Variants in HEPACAM2 observed in about 807,000 individuals in gnomAD.
The protein encoded by HEPACAM2 is HEPACAM family member 2, also known as mitotic kinetics regulator.
A neutral mutation model predicts 49.6 loss-of-function variants in HEPACAM2; 49 were observed. The observed-to-expected ratio is 0.99, with a 90% confidence interval of 0.78 to 1.25. The LOEUF (loss-of-function observed/expected upper bound fraction) is 1.25. Ranked by LOEUF, HEPACAM2 falls within the 50% of genes most tolerant of loss-of-function variation. The pLI is 0.00. For missense variants in HEPACAM2, 525 were observed against 557.2 expected, an observed-to-expected ratio of 0.94 and a Z score of 0.58; for synonymous variants, 197 against 202.9, an observed-to-expected ratio of 0.97 and a Z score of 0.25.
intron 1 of HEPACAM2, among the ~76,000 whole-genome samples, chr7:93,223,944 T>C (rs1205142417): frequency 1.3e-5 from 2 of 152,166 alleles, no homozygotes; most frequent in African/African-American, 2.4e-5. Flanking sequence ...ATCATTGATG[T>C]GTCACCCACT....
At chr7:93,207,192 A>G (rs1450513177) in intron 4 of HEPACAM2, among the ~76,000 whole-genome samples, 1 of 152,160 alleles carries the variant, frequency 6.6e-6, no homozygotes, top group South Asian at 2.1e-4. Context: ...GTTTCTCTGT[A>G]TTATGGGTCT....
intron 1 of HEPACAM2, 147 bp from the exon 2 acceptor site, chr7:93,219,598 AT>A: frequency 7.1e-7 from 1 of 1,401,442 alleles, no homozygotes; most frequent in Non-Finnish European, 9.5e-7. Flanking sequence ...CTGGTTACAT[AT>A]AGAGGTAAAT....
intron 3 of HEPACAM2, among the ~76,000 whole-genome samples, chr7:93,209,978 A>C (rs1017914774): frequency 1.3e-5 from 2 of 151,940 alleles, no homozygotes; most frequent in Non-Finnish European, 2.9e-5. Flanking sequence ...CTTTATCATT[A>C]ACTACTTAGC....
At chr7:93,215,049 T>C (rs1415503295) in intron 3 of HEPACAM2, among the ~76,000 whole-genome samples, 1 of 152,180 alleles carries the variant, frequency 6.6e-6, no homozygotes, top group African/African-American at 2.4e-5. Context: ...GGAAAAAAGT[T>C]CTCAAGATAT....
Position 93,188,773 on chromosome 7 carries a change from C to A in HEPACAM2, c.*494G>T. 2 of 358,254 alleles carry A rather than the reference C, an allele frequency of 5.6e-6. No individual in the cohort carries two copies. The highest frequency in any genetic ancestry group is 4.6e-5 in the Admixed American group (1 of 21,614). The allele number at this position is 358,254 out of a possible 1,614,324, so 22.2% of individuals were successfully genotyped here. On this transcript the variant is annotated 3_prime_UTR_variant, in exon 10 of 10. Coordinates refer to ENST00000394468, the MANE Select transcript of HEPACAM2 (RefSeq NM_001039372.4). ...CCTTATTACTTTGTTGTACAAATAACAAGATAGAAATTTGGAAATAAAATT... is the reference window on the plus strand; with the variant it reads ...CCTTATTACTTTGTTGTACAAATAAAAAGATAGAAATTTGGAAATAAAATT...
intron 2 of HEPACAM2, among the ~76,000 whole-genome samples, chr7:93,216,176 G>A (rs1158861241): frequency 6.6e-6 from 1 of 152,174 alleles, no homozygotes; most frequent in East Asian, 1.9e-4. Flanking sequence ...TTGGGAAACT[G>A]AGGGATAATT....
At chr7:93,189,293 A>T (rs1308530972) in intron 9 of HEPACAM2, 23 bp from the exon 10 acceptor site, 1 of 1,570,692 alleles carries the variant, frequency 6.4e-7, no homozygotes, top group African/African-American at 1.4e-5. Context: ...TATACAAAAT[A>T]TGTAAACAGT....
intron 9 of HEPACAM2, among the ~76,000 whole-genome samples, chr7:93,189,990 T>A (rs1793501947): frequency 6.6e-6 from 1 of 152,024 alleles, no homozygotes; most frequent in African/African-American, 2.4e-5. Context: ...GTGGCATTTA[T>A]TCTACTGAGA....
chr7:93,228,866 T>G (rs912281785), upstream of HEPACAM2, among the ~76,000 whole-genome samples: 12 of 147,622 alleles, frequency 8.1e-5, no homozygotes, highest in Non-Finnish European at 1.4e-4. Flanking sequence ...TGCAGGAGGG[T>G]GTGTGTGTGT....
Position 93,196,356 on chromosome 7 carries a change from C to A in HEPACAM2, c.1202-455G>T, listed in dbSNP as rs577601035. On this transcript the variant is annotated intron_variant, in intron 7 of 9. Coordinates refer to ENST00000394468, the MANE Select transcript of HEPACAM2 (RefSeq NM_001039372.4). ...AAATAGCTAACTGAAGCTTCCCATA[C>A]ATAAAAAGTAAAATACATTACACTA... Among the ~76,000 whole-genome samples, 3 of 152,222 alleles carry A rather than the reference C, an allele frequency of 2.0e-5. No homozygotes were observed. The South Asian group carries it at 6.2e-4, about 32-fold the overall frequency.
chr7:93,218,474 G>C (rs549088094), intron 2 of HEPACAM2, among the ~76,000 whole-genome samples: 47 of 152,228 alleles, frequency 3.1e-4, no homozygotes, highest in Admixed American at 2.9e-3. Context: ...GTTTTGGCTA[G>C]AGCAATTGAT....
At chr7:93,206,158 C>G (rs1584340584) in intron 4 of HEPACAM2, among the ~76,000 whole-genome samples, 1 of 152,074 alleles carries the variant, frequency 6.6e-6, no homozygotes, top group Non-Finnish European at 1.5e-5. Context: ...CATGTTTTCA[C>G]TTGCAGTGAG....
At chr7:93,220,127 G>T (rs955074886) in intron 1 of HEPACAM2, among the ~76,000 whole-genome samples, 9 of 152,158 alleles carry the variant, frequency 5.9e-5, no homozygotes, top group Non-Finnish European at 1.2e-4. Flanking sequence ...GTGACAGACT[G>T]GCAGGACCTT....
intron 1 of HEPACAM2, chr7:93,225,882 C>T: frequency 7.3e-7 from 1 of 1,361,358 alleles, no homozygotes; most frequent in Non-Finnish European, 9.8e-7. Flanking sequence ...TGGAATCTTA[C>T]CTTTCTTCCA....
At chr7:93,190,312 G>A (rs777849283) in intron 9 of HEPACAM2, among the ~76,000 whole-genome samples, 15 of 152,096 alleles carry the variant, frequency 9.9e-5, no homozygotes, top group Non-Finnish European at 2.2e-4. Flanking sequence ...ACAGACAGAG[G>A]AGGAAAATTT....
At chr7:93,189,876 A>G (rs190229587) in intron 9 of HEPACAM2, among the ~76,000 whole-genome samples, 1 of 152,112 alleles carries the variant, frequency 6.6e-6, no homozygotes, top group East Asian at 1.9e-4. Flanking sequence ...CCAACCACCT[A>G]TAATAATGCA....
At position 93,192,609 on chromosome 7, in the gene HEPACAM2, T is replaced by C. The variant is rs558994112; in HGVS notation, c.1276-246A>G. ...GACAAAGCTATGGATTTTTTCTTCA[T>C]TTAAGAAGAAAGCTGGCAGTACTGT... On this transcript the variant is annotated intron_variant, in intron 8 of 9. Coordinates refer to ENST00000394468, the MANE Select transcript of HEPACAM2 (RefSeq NM_001039372.4). 2.6e-5 allele frequency among the ~76,000 whole-genome samples: 4 copies of C among 152,184 alleles called. No individual in the cohort carries two copies. The South Asian group carries it at 8.3e-4, about 32-fold the overall frequency.
chr7:93,224,611 T>C (rs1794507489), intron 1 of HEPACAM2, among the ~76,000 whole-genome samples: 1 of 152,164 alleles, frequency 6.6e-6, no homozygotes, highest in African/African-American at 2.4e-5. Context: ...TAAGGTACAC[T>C]TGAAGTCCTA....
At chr7:93,196,290 C>A (rs1005320703) in intron 7 of HEPACAM2, among the ~76,000 whole-genome samples, 4 of 152,132 alleles carry the variant, frequency 2.6e-5, no homozygotes, top group African/African-American at 9.7e-5. Context: ...TTAGATCTAA[C>A]AGATCTAACA....
Sources: gnomAD v4.1 joint callset for allele counts (sites outside exome capture counted in the v4.1 genomes callset) on GRCh38, gnomAD v4.1.1 for gene constraint, MANE v1.5 for transcripts, NCBI Gene and HGNC (gene_info 2026-07-23, HGNC 2026-07-21) for gene names.